Variants in MAPK4 observed in about 807,000 individuals in gnomAD.
MAPK4 encodes the protein mitogen-activated protein kinase 4, also known as Erk3-related.
In MAPK4, 22 loss-of-function variants were observed where a neutral mutation model predicts 47.7. That is an observed-to-expected ratio of 0.46 (90% confidence interval 0.33 to 0.66). The LOEUF (loss-of-function observed/expected upper bound fraction) is 0.66, where lower values mean the gene tolerates loss of function less well. MAPK4 is among the 30% of genes least tolerant of loss of function. The probability of loss-of-function intolerance (pLI) is 0.02; values close to 1 mark genes in which losing one functional copy is unlikely to be tolerated. For synonymous variants in MAPK4, 390 were observed against 365.7 expected, an observed-to-expected ratio of 1.07 and a Z score of -0.76; for missense variants, 736 against 831.7, an observed-to-expected ratio of 0.88 and a Z score of 1.42.
At chr18:50,723,143 G>A (rs577423432) in intron 4 of MAPK4, among the ~76,000 whole-genome samples, 1 of 152,316 alleles carries the variant, frequency 6.6e-6, no homozygotes, top group East Asian at 1.9e-4. Context: ...AGGCAGAGTT[G>A]GGAGCATGGA....
At chr18:50,623,327 T>G (rs1281141070) in intron 1 of MAPK4, among the ~76,000 whole-genome samples, 1 of 152,200 alleles carries the variant, frequency 6.6e-6, no homozygotes, top group Non-Finnish European at 1.5e-5. Context: ...TCAAAAGAAT[T>G]ATTAACATTG....
At chr18:50,592,987 A>G (rs1046302629) in intron 1 of MAPK4, among the ~76,000 whole-genome samples, 1 of 152,188 alleles carries the variant, frequency 6.6e-6, no homozygotes, top group African/African-American at 2.4e-5. Flanking sequence ...CTTTACAATC[A>G]CTAAGTCATT....
intron 1 of MAPK4, among the ~76,000 whole-genome samples, chr18:50,562,281 G>A (rs572321765): frequency 4.0e-4 from 61 of 152,256 alleles, no homozygotes; most frequent in African/African-American, 1.3e-3. Flanking sequence ...TGGGTTGGTT[G>A]CAAGTTGACT....
At position 50,600,823 on chromosome 18, in the gene MAPK4, A is replaced by G. The variant is rs1246715195; in HGVS notation, c.-871+40580A>G. Among the ~76,000 whole-genome samples the G allele has an allele frequency of 3.3e-5, 5 of 152,066 alleles. No homozygotes were observed. In the South Asian group the frequency reaches 1.0e-3, roughly 32 times the overall value. On this transcript the variant is annotated intron_variant, in intron 1 of 5. Coordinates refer to ENST00000400384, the MANE Select transcript of MAPK4 (RefSeq NM_002747.4). ...TTTTAAAAAGTGAAAAAAAAAAATC[A>G]CTAGTTCACTTTGATTGGGAAAGGA... is the stretch of plus-strand genomic sequence containing the variant.
At chr18:50,656,090 A>G (rs2043107250) in intron 1 of MAPK4, among the ~76,000 whole-genome samples, 1 of 152,198 alleles carries the variant, frequency 6.6e-6, no homozygotes, top group Non-Finnish European at 1.5e-5. Flanking sequence ...AGACTCAAGG[A>G]GGGCTTTTCA....
At chr18:50,611,563 A>G (rs977242645) in intron 1 of MAPK4, among the ~76,000 whole-genome samples, 2 of 152,226 alleles carry the variant, frequency 1.3e-5, no homozygotes, top group Non-Finnish European at 2.9e-5. Flanking sequence ...ATCTAGGCCC[A>G]GGCCAGAATG....
chr18:50,717,820 C>G (rs1910721440), intron 3 of MAPK4, among the ~76,000 whole-genome samples: 1 of 152,192 alleles, frequency 6.6e-6, no homozygotes, highest in Non-Finnish European at 1.5e-5. Flanking sequence ...ATAATTAGCT[C>G]ATGGGCACTG....
chr18:50,688,865 T>C (rs902750663), intron 2 of MAPK4, among the ~76,000 whole-genome samples: 1 of 138,758 alleles, frequency 7.2e-6, no homozygotes, highest in South Asian at 2.3e-4. Context: ...AAATACCACC[T>C]GTTCTCCCAA....
intron 1 of MAPK4, among the ~76,000 whole-genome samples, chr18:50,567,918 T>C (rs1478194431): frequency 3.9e-5 from 6 of 151,934 alleles, no homozygotes; most frequent in Admixed American, 3.3e-4. Flanking sequence ...GAATTCCGGC[T>C]GGGCGCAGTG....
At chr18:50,698,519 T>C (rs1370809524) in intron 2 of MAPK4, among the ~76,000 whole-genome samples, 1 of 152,126 alleles carries the variant, frequency 6.6e-6, no homozygotes, top group Non-Finnish European at 1.5e-5. Context: ...TAGCTAAAAC[T>C]TCTCAGAAAG....
chr18:50,598,528 A>G (rs1041420122), intron 1 of MAPK4, among the ~76,000 whole-genome samples: 1 of 152,246 alleles, frequency 6.6e-6, no homozygotes, highest in Non-Finnish European at 1.5e-5. Flanking sequence ...TGAAGGAATC[A>G]TAAGTATACT....
chr18:50,574,919 T>G (rs2042281893), intron 1 of MAPK4, among the ~76,000 whole-genome samples: 1 of 152,102 alleles, frequency 6.6e-6, no homozygotes, highest in Non-Finnish European at 1.5e-5. Flanking sequence ...TAATGGTAAT[T>G]TTTACCTCAC....
chr18:50,664,102 G>C lies in MAPK4; in HGVS notation c.144G>C (p.Val48=). Residue 48 remains valine (V), a synonymous_variant, in exon 2 of 6, where the codon GTG becomes GTC. Transcript: ENST00000400384. The surrounding 1 kb of genome is among the most constrained non-coding windows in gnomAD (Gnocchi z 6.0). ...GCCGGGCCTGCCGGAAGGTCGCTGT[G>C]AAGAAGATTGCCCTGAGCGATGCCC... The part of the protein sequence containing the change: ...VDSRACRKVA[V]KKIALSDARS... 6.2e-7 allele frequency: 1 copy of C among 1,614,064 alleles called. No homozygotes were observed. Among genetic ancestry groups the C allele is most frequent in the Non-Finnish European group, 8.5e-7 (1 of 1,180,024 alleles).
rs544558711 is a variant in MAPK4, at chr18:50,678,230, G to T, written c.546+13726G>T. 1.3e-5 allele frequency among the ~76,000 whole-genome samples: 2 copies of T among 152,322 alleles called. No homozygotes were observed. Among genetic ancestry groups the T allele is most frequent in the South Asian group, 4.1e-4 (2 of 4,822 alleles). ...CAAGTCAGAAAATTCTTACTGTAAT[G>T]AACTTGTCAAAATGGATTAATTAGG... On this transcript the variant is annotated intron_variant, in intron 2 of 5. Transcript: ENST00000400384. The surrounding 1 kb of genome is among the most constrained non-coding windows in gnomAD (Gnocchi z 4.2).
intron 1 of MAPK4, among the ~76,000 whole-genome samples, chr18:50,576,161 T>G (rs35515520): frequency 0.063 from 9,564 of 152,222 alleles, 376 homozygotes; most frequent in Non-Finnish European, 0.087. Flanking sequence ...CAAAGGAATT[T>G]AAATCGCTCT....
intron 1 of MAPK4, among the ~76,000 whole-genome samples, chr18:50,590,085 T>C (rs2042424000): frequency 6.6e-6 from 1 of 152,186 alleles, no homozygotes; most frequent in South Asian, 2.1e-4. Flanking sequence ...CAAATCCAGA[T>C]CCAGTTCCTC....
In MAPK4 at chr18:50,664,861, C is replaced by T. The variant is rs150896211; in HGVS notation, c.546+357C>T. Among the ~76,000 whole-genome samples, 622 of 152,316 alleles carry T rather than the reference C, an allele frequency of 4.1e-3. 3 individuals are homozygous for T. The highest frequency in any genetic ancestry group is 9.3e-3 in the Admixed American group (143 of 15,298). ...TATCCCTGCTGTCCACTTAGCCATCCCATGTCCTTCCTGTGTGCTCAGGAC... is the reference window on the plus strand; with the variant it reads ...TATCCCTGCTGTCCACTTAGCCATCTCATGTCCTTCCTGTGTGCTCAGGAC... On this transcript the variant is annotated intron_variant, in intron 2 of 5. Coordinates refer to ENST00000400384, the MANE Select transcript of MAPK4 (RefSeq NM_002747.4). This position sits in a 1 kb window ranked among gnomAD's most constrained non-coding sequence, Gnocchi z 6.0.
chr18:50,695,589 A>C (rs1483179374), intron 2 of MAPK4, among the ~76,000 whole-genome samples: 1 of 152,060 alleles, frequency 6.6e-6, no homozygotes, highest in African/African-American at 2.4e-5. Context: ...AGGGAGGAGG[A>C]GGCACTCCAG....
chr18:50,580,008 C>T (rs771955940), intron 1 of MAPK4, among the ~76,000 whole-genome samples: 8 of 152,176 alleles, frequency 5.3e-5, no homozygotes, highest in Non-Finnish European at 8.8e-5. Context: ...TCTCACAGGG[C>T]TCTTCATCAC....
Sources: allele counts gnomAD v4.1 joint callset (sites outside exome capture counted in the v4.1 genomes callset), GRCh38; gene constraint gnomAD v4.1.1; non-coding constraint Gnocchi (gnomAD v3.1); transcripts MANE v1.5; gene names NCBI Gene and HGNC (gene_info 2026-07-23, HGNC 2026-07-21).